CEP128: variants seen among roughly 807,000 people sequenced by gnomAD.
CEP128 encodes centrosomal protein 128kDa.
CEP128 carries 132 observed loss-of-function variants against 156.7 expected under a neutral mutation model. That is an observed-to-expected ratio of 0.84 (90% CI 0.73 to 0.97). The LOEUF (loss-of-function observed/expected upper bound fraction) is 0.97. CEP128 is among the 50% of genes least tolerant of loss of function. CEP128 has a pLI of 0.00. For synonymous variants in CEP128, 469 were observed against 448.9 expected, an observed-to-expected ratio of 1.04 and a Z score of -0.57; for missense variants, 1,252 against 1,281.9, an observed-to-expected ratio of 0.98 and a Z score of 0.36.
intron 19 of CEP128, among the ~76,000 whole-genome samples, chr14:80,674,001 A>G (rs1895962217): frequency 6.6e-6 from 1 of 152,124 alleles, no homozygotes; most frequent in Admixed American, 6.6e-5. Context: ...TAGGCTTCTG[A>G]GAAAAAGGCC....
intron 19 of CEP128, among the ~76,000 whole-genome samples, chr14:80,639,940 T>C (rs1382535641): frequency 1.3e-5 from 2 of 152,172 alleles, no homozygotes; most frequent in East Asian, 1.9e-4. Context: ...TTCTTTCTTA[T>C]AGAAAGTGAC....
At chr14:80,556,863 T>G (rs550248372) in intron 21 of CEP128, among the ~76,000 whole-genome samples, 1 of 152,338 alleles carries the variant, frequency 6.6e-6, no homozygotes, top group South Asian at 2.1e-4. Context: ...TTCAGCATAT[T>G]TGATTTTATG....
chr14:80,670,921 T>G (rs1386946759), intron 19 of CEP128, among the ~76,000 whole-genome samples: 2 of 152,206 alleles, frequency 1.3e-5, no homozygotes, highest in African/African-American at 4.8e-5. Context: ...TTACACATAC[T>G]TTGTATTCTT....
rs147829152 is a variant in CEP128 at position 80,527,932 on chromosome 14, T to C, written c.2959-950A>G. Among the ~76,000 whole-genome samples, 497 of 152,266 alleles carry C rather than the reference T, an allele frequency of 3.3e-3. 1 individual carries two copies. The highest frequency in any genetic ancestry group is 0.01 in the Middle Eastern group (3 of 292). ...GAAGGAACACAGCAAACAGTCACTA[T>C]AGACAATTATTTAGACATTTCTATT... is the stretch of plus-strand genomic sequence containing the variant. On this transcript the variant is annotated intron_variant, in intron 22 of 24. Coordinates refer to ENST00000555265, the MANE Select transcript of CEP128 (RefSeq NM_152446.5).
chr14:80,680,230 G>T (rs1030283756), intron 19 of CEP128, among the ~76,000 whole-genome samples: 9 of 152,182 alleles, frequency 5.9e-5, no homozygotes, highest in Non-Finnish European at 8.8e-5. Context: ...CTTGCAGGCA[G>T]AGCCAGCTTG....
chr14:80,497,810 G>A (rs1370030473), intron 24 of CEP128, among the ~76,000 whole-genome samples: 1 of 152,152 alleles, frequency 6.6e-6, no homozygotes, highest in Non-Finnish European at 1.5e-5. Flanking sequence ...AAGAATACCT[G>A]AGAGTAAAAA....
chr14:80,922,583 G>A (rs1247669597), intron 2 of CEP128, among the ~76,000 whole-genome samples: 2 of 152,118 alleles, frequency 1.3e-5, no homozygotes, highest in Admixed American at 6.5e-5. Flanking sequence ...CTACTTTGGA[G>A]AACGAATTAA....
chr14:80,751,034 G>A (rs73340538), intron 18 of CEP128, among the ~76,000 whole-genome samples: 1 of 152,174 alleles, frequency 6.6e-6, no homozygotes, highest in African/African-American at 2.4e-5. Flanking sequence ...AGCACACAAA[G>A]AGAAGGTGGC....
intron 19 of CEP128, among the ~76,000 whole-genome samples, chr14:80,662,774 G>T (rs1174252995): frequency 6.6e-6 from 1 of 152,100 alleles, no homozygotes; most frequent in East Asian, 1.9e-4. Context: ...TCTCATGTAG[G>T]TCTTAAGGAC....
chr14:80,567,050 C>G (rs1292501031), intron 20 of CEP128, among the ~76,000 whole-genome samples: 1 of 152,114 alleles, frequency 6.6e-6, no homozygotes, highest in Non-Finnish European at 1.5e-5. Context: ...GAACCAGAAG[C>G]AGAAACAATC....
At chr14:80,658,001 A>G (rs1895246962) in intron 19 of CEP128, among the ~76,000 whole-genome samples, 1 of 142,814 alleles carries the variant, frequency 7.0e-6, no homozygotes, top group Non-Finnish European at 1.5e-5. Context: ...CCTCGGTGAC[A>G]GCGTTAAAAA....
At chr14:80,748,919 C>T (rs894949600) in intron 18 of CEP128, among the ~76,000 whole-genome samples, 3 of 152,096 alleles carry the variant, frequency 2.0e-5, no homozygotes, top group East Asian at 3.9e-4. Flanking sequence ...AAACATGTTG[C>T]CCAGAAGAGA....
intron 8 of CEP128, among the ~76,000 whole-genome samples, chr14:80,895,147 A>T: frequency 6.6e-6 from 1 of 152,140 alleles, no homozygotes; most frequent in Non-Finnish European, 1.5e-5. Context: ...TCCACCAAGG[A>T]TAGTGATTTA....
intron 9 of CEP128, among the ~76,000 whole-genome samples, chr14:80,856,363 C>T (rs2619661): frequency 6.6e-6 from 1 of 151,986 alleles, no homozygotes; most frequent in Non-Finnish European, 1.5e-5. Flanking sequence ...GCTCTGAAGA[C>T]GGCCAGGCAT....
chr14:80,631,375 T>C (rs1199170269), intron 19 of CEP128, among the ~76,000 whole-genome samples: 1 of 152,018 alleles, frequency 6.6e-6, no homozygotes, highest in Non-Finnish European at 1.5e-5. Context: ...GAGAATGCAG[T>C]TTTCAGAGAA....
At chr14:80,530,424 C>A (rs1227957175) in intron 22 of CEP128, among the ~76,000 whole-genome samples, 1 of 152,182 alleles carries the variant, frequency 6.6e-6, no homozygotes, top group Non-Finnish European at 1.5e-5. Context: ...AACTTGGGAA[C>A]TACCATATCT....
intron 2 of CEP128, among the ~76,000 whole-genome samples, chr14:80,921,393 C>G (rs1158199741): frequency 1.3e-5 from 2 of 152,220 alleles, no homozygotes; most frequent in African/African-American, 2.4e-5. Flanking sequence ...CCAGGTGATA[C>G]CCTGGACTCT....
intron 18 of CEP128, among the ~76,000 whole-genome samples, chr14:80,752,561 T>C (rs577492411): frequency 6.6e-6 from 1 of 152,220 alleles, no homozygotes; most frequent in Non-Finnish European, 1.5e-5. Flanking sequence ...GGATAAAATA[T>C]TAGATATTTA....
chr14:80,711,526 G>A (rs1158989131), intron 19 of CEP128, among the ~76,000 whole-genome samples: 2 of 152,084 alleles, frequency 1.3e-5, no homozygotes, highest in African/African-American at 2.4e-5. Flanking sequence ...AACTCATGTA[G>A]ATAGAGAGCA....
Sources: allele counts gnomAD v4.1 joint callset (sites outside exome capture counted in the v4.1 genomes callset), GRCh38; gene constraint gnomAD v4.1.1; transcripts MANE v1.5; gene names NCBI Gene and HGNC (gene_info 2026-07-23, HGNC 2026-07-21).